The following PTPRN2 variants were observed in gnomAD, a reference collection of about 807,000 sequenced individuals.
The protein encoded by PTPRN2 is receptor-type tyrosine-protein phosphatase N2.
A neutral mutation model predicts 118.8 loss-of-function variants in PTPRN2; 74 were observed. The ratio of observed to expected loss-of-function variants is 0.62; its 90% CI spans 0.52 to 0.76. The LOEUF (loss-of-function observed/expected upper bound fraction) is 0.76. Among genes scored for constraint, PTPRN2 ranks in the 30% least tolerant of loss-of-function variants. The pLI is 0.00. For synonymous variants in PTPRN2, 641 were observed against 608.0 expected, an observed-to-expected ratio of 1.05 and a Z score of -0.80; for missense variants, 1,481 against 1,394.4, an observed-to-expected ratio of 1.06 and a Z score of -0.99.
chr7:157,608,225 A>G (rs1802120224), intron 15 of PTPRN2, among the ~76,000 whole-genome samples: 1 of 152,280 alleles, frequency 6.6e-6, no homozygotes, highest in South Asian at 2.1e-4. Flanking sequence ...GCACCACTGC[A>G]CATGGCTAAT....
rs545104747 is a variant in PTPRN2 at position 158,004,754 on chromosome 7, T to C, written c.1723+76544A>G. ...ACCATCTCCTTCAAGCAAATGCATG[T>C]AAATTTCACTTCTGTGACTCTGAGT... On this transcript the variant is annotated intron_variant, in intron 11 of 22. Coordinates refer to ENST00000389418, the MANE Select transcript of PTPRN2 (RefSeq NM_002847.5). Among the ~76,000 whole-genome samples, 8 of 152,362 alleles carry C rather than the reference T, an allele frequency of 5.3e-5. 1 individual carries two copies. In the South Asian group the frequency reaches 1.7e-3, roughly 32 times the overall value.
chr7:157,634,324 A>G (rs1486265678), intron 14 of PTPRN2, among the ~76,000 whole-genome samples: 1 of 152,218 alleles, frequency 6.6e-6, no homozygotes, highest in African/African-American at 2.4e-5. Context: ...CACAACTCTG[A>G]TATTTCCAAT....
At chr7:158,132,969 C>T (rs1818496214) in intron 9 of PTPRN2, among the ~76,000 whole-genome samples, 1 of 152,220 alleles carries the variant, frequency 6.6e-6, no homozygotes, top group Non-Finnish European at 1.5e-5. Context: ...AAACACAACA[C>T]TTGTACAAAG....
At position 157,808,537 on chromosome 7, in the gene PTPRN2, T is replaced by A. The variant is rs1427686939; in HGVS notation, c.1788+90136A>T. On this transcript the variant is annotated intron_variant, in intron 12 of 22. Transcript: ENST00000389418. The surrounding 1 kb of genome is among the most constrained non-coding windows in gnomAD (Gnocchi z 5.0). ...TGAAAATCTAATGCCTGATGATCTGTCACTGTCTCCCATCACCCCCAGATG... is the reference window on the plus strand; with the variant it reads ...TGAAAATCTAATGCCTGATGATCTGACACTGTCTCCCATCACCCCCAGATG... 1.3e-5 allele frequency among the ~76,000 whole-genome samples: 2 copies of A among 152,126 alleles called. No individual in the cohort carries two copies. Among genetic ancestry groups the A allele is most frequent in the Admixed American group, 1.3e-4 (2 of 15,270 alleles).
At chr7:157,686,475 G>C (rs1205989354) in intron 12 of PTPRN2, among the ~76,000 whole-genome samples, 2 of 152,152 alleles carry the variant, frequency 1.3e-5, no homozygotes, top group Non-Finnish European at 2.9e-5. Flanking sequence ...AGAAAGAAAT[G>C]AGTTTAAAAG....
chr7:158,268,847 A>G (rs1263711849), intron 3 of PTPRN2, among the ~76,000 whole-genome samples: 4 of 136,382 alleles, frequency 2.9e-5, no homozygotes, highest in Admixed American at 7.3e-5. Context: ...GAAATATCCC[A>G]GCCGCACACA....
chr7:158,041,477 A>C (rs1808463509), intron 11 of PTPRN2, among the ~76,000 whole-genome samples: 1 of 152,052 alleles, frequency 6.6e-6, no homozygotes, highest in Non-Finnish European at 1.5e-5. Flanking sequence ...GTTTCCACTA[A>C]AAATACAAAA....
At position 157,764,372 on chromosome 7, in the gene PTPRN2, C is replaced by T. The variant is rs1456036747; in HGVS notation, c.1789-81435G>A. Among the ~76,000 whole-genome samples, 1 of 152,214 alleles carries T rather than the reference C, an allele frequency of 6.6e-6. No homozygotes were observed. Among genetic ancestry groups the T allele is most frequent in the Non-Finnish European group, 1.5e-5 (1 of 68,046 alleles). On this transcript the variant is annotated intron_variant, in intron 12 of 22. Coordinates refer to ENST00000389418, the MANE Select transcript of PTPRN2 (RefSeq NM_002847.5). This position sits in a 1 kb window ranked among gnomAD's most constrained non-coding sequence, Gnocchi z 4.5. ...AAAAGATAAACATCATGTGGTCCAC[C>T]CACACATGGGAATATTACTCAGCAC...
At chr7:157,860,302 A>C (rs1334169352) in intron 12 of PTPRN2, among the ~76,000 whole-genome samples, 1 of 152,192 alleles carries the variant, frequency 6.6e-6, no homozygotes, top group African/African-American at 2.4e-5. Context: ...TGCCCAAGCC[A>C]AGACTCTCTC....
At position 157,587,460 on chromosome 7, in the gene PTPRN2, G is replaced by C. The variant is rs768046410; in HGVS notation, c.2496+7778C>G. ...AGTTCAGGATTTTTTCTTAACCATA[G>C]TAAGAACTATGATCTACAGATGCCA... On this transcript the variant is annotated intron_variant, in intron 17 of 22. Coordinates refer to ENST00000389418, the MANE Select transcript of PTPRN2 (RefSeq NM_002847.5). This position sits in a 1 kb window ranked among gnomAD's most constrained non-coding sequence, Gnocchi z 5.3. Among the ~76,000 whole-genome samples the C allele has an allele frequency of 3.4e-4, 52 of 152,186 alleles. No individual in the cohort carries two copies. The highest frequency in any genetic ancestry group is 6.5e-4 in the Non-Finnish European group (44 of 68,044).
chr7:157,908,282 C>A (rs535647199), intron 11 of PTPRN2, among the ~76,000 whole-genome samples: 2 of 152,210 alleles, frequency 1.3e-5, no homozygotes. Flanking sequence ...TTCTGCCATG[C>A]GAGCCTTGAA....
chr7:158,292,805 C>T (rs776105498), intron 3 of PTPRN2, among the ~76,000 whole-genome samples: 10 of 152,186 alleles, frequency 6.6e-5, no homozygotes, highest in South Asian at 4.1e-4. Context: ...TGGTGGCTCA[C>T]GCCTGTAATC....
chr7:157,576,510 A>C, intron 19 of PTPRN2, 103 bp downstream of exon 19: 1 of 1,234,616 alleles, frequency 8.1e-7, no homozygotes, highest in Non-Finnish European at 1.1e-6. Flanking sequence ...GCCGACACAG[A>C]CGCGGCCCTC....
chr7:158,207,199 G>A (rs9769342), intron 3 of PTPRN2, among the ~76,000 whole-genome samples: 78,586 of 131,562 alleles, frequency 0.6, 24,172 homozygotes, highest in African/African-American at 0.76. Context: ...TTCTTAATCC[G>A]GTCTATCATT....
At chr7:157,993,605 G>A (rs1353269936) in intron 11 of PTPRN2, among the ~76,000 whole-genome samples, 2 of 152,262 alleles carry the variant, frequency 1.3e-5, no homozygotes, top group Admixed American at 6.5e-5. Context: ...TCGGCCAGCC[G>A]GGAGGTGTCC....
At chr7:158,102,899 G>T (rs1196235559) in intron 10 of PTPRN2, among the ~76,000 whole-genome samples, 2 of 152,136 alleles carry the variant, frequency 1.3e-5, no homozygotes, top group Non-Finnish European at 2.9e-5. Context: ...GCAGACCCGG[G>T]AGGACACACC....
At chr7:157,900,261 G>A (rs1228088258) in intron 11 of PTPRN2, among the ~76,000 whole-genome samples, 1 of 152,210 alleles carries the variant, frequency 6.6e-6, no homozygotes, top group African/African-American at 2.4e-5. Context: ...GCCTTGCAGC[G>A]TGGAGGTAGC....
At chr7:158,391,204 G>A (rs776183746) in intron 2 of PTPRN2, among the ~76,000 whole-genome samples, 1 of 152,244 alleles carries the variant, frequency 6.6e-6, no homozygotes, top group East Asian at 1.9e-4. Context: ...GAACCTGCAC[G>A]AGAGACATTG....
chr7:158,319,112 TTTTA>T (rs1233418549), intron 2 of PTPRN2, among the ~76,000 whole-genome samples: 3 of 152,232 alleles, frequency 2.0e-5, no homozygotes, highest in Non-Finnish European at 4.4e-5. Flanking sequence ...GAAAACTTTC[TTTTA>T]AACATTTATT....
Sources: allele counts gnomAD v4.1 joint callset (sites outside exome capture counted in the v4.1 genomes callset), GRCh38; gene constraint gnomAD v4.1.1; non-coding constraint Gnocchi (gnomAD v3.1); transcripts MANE v1.5; gene names NCBI Gene and HGNC (gene_info 2026-07-23, HGNC 2026-07-21).